Variants in WHRN observed in about 807,000 individuals in gnomAD.
The protein encoded by WHRN is whirlin.
A neutral mutation model predicts 68.3 loss-of-function variants in WHRN; 41 were observed. That is an observed-to-expected ratio of 0.60 (90% CI 0.47 to 0.78). The LOEUF is 0.78. Ranked by LOEUF, WHRN falls within the 30% of genes least tolerant of loss-of-function variation. The pLI is 0.00. For synonymous variants in WHRN, 560 were observed against 561.3 expected (o/e 1.00, Z 0.03); for missense variants, 1,243 against 1,244.7 (o/e 1.00, Z 0.02).
intron 1 of WHRN, among the ~76,000 whole-genome samples, chr9:114,482,225 T>C (rs562711983): frequency 9.2e-5 from 14 of 152,202 alleles, no homozygotes; most frequent in Non-Finnish European, 1.3e-4. Flanking sequence ...CGGCACACAG[T>C]AGGTCCTGAA....
intron 1 of WHRN, among the ~76,000 whole-genome samples, chr9:114,492,764 T>C (rs1043409851): frequency 6.6e-6 from 1 of 152,052 alleles, no homozygotes; most frequent in African/African-American, 2.4e-5. Flanking sequence ...GGTGGGTAGA[T>C]TGCTTGAGCC....
intron 2 of WHRN, among the ~76,000 whole-genome samples, chr9:114,474,412 C>T (rs1841484325): frequency 6.6e-6 from 1 of 152,104 alleles, no homozygotes; most frequent in Non-Finnish European, 1.5e-5. Flanking sequence ...CTGTTGTCTA[C>T]AGAAAAAAAG....
At chr9:114,455,101 G>A (rs1421777608) in intron 3 of WHRN, among the ~76,000 whole-genome samples, 2 of 152,196 alleles carry the variant, frequency 1.3e-5, no homozygotes, top group Admixed American at 6.5e-5. Flanking sequence ...AATACTGTTA[G>A]AGGAATATAT....
At chr9:114,441,233 C>T (rs893789158) in intron 3 of WHRN, among the ~76,000 whole-genome samples, 1 of 151,578 alleles carries the variant, frequency 6.6e-6, no homozygotes, top group Non-Finnish European at 1.5e-5. Context: ...GGTAAGGCTT[C>T]AGGTCAATAG....
intron 1 of WHRN, among the ~76,000 whole-genome samples, chr9:114,490,796 T>C (rs758169516): frequency 6.6e-6 from 1 of 152,216 alleles, no homozygotes; most frequent in Non-Finnish European, 1.5e-5. Context: ...ACCTTGGGAA[T>C]AATGCTACAA....
intron 3 of WHRN, among the ~76,000 whole-genome samples, chr9:114,442,062 TC>T (rs1292375504): frequency 6.6e-6 from 1 of 152,030 alleles, no homozygotes; most frequent in East Asian, 1.9e-4. Context: ...CCATCAGATA[TC>T]CCAAATAGAG....
At chr9:114,498,617 A>C (rs1408523) in intron 1 of WHRN, among the ~76,000 whole-genome samples, 1 of 152,110 alleles carries the variant, frequency 6.6e-6, no homozygotes, top group East Asian at 1.9e-4. Flanking sequence ...ACCGCCCCCC[A>C]ACCTTAGTAA....
At chr9:114,441,456 T>C (rs575745044) in intron 3 of WHRN, among the ~76,000 whole-genome samples, 2 of 152,316 alleles carry the variant, frequency 1.3e-5, no homozygotes, top group East Asian at 1.9e-4. Context: ...GATCTTGATA[T>C]CTAAATGCCA....
intron 11 of WHRN, 45 bp from the exon 12 acceptor site, chr9:114,402,981 A>C: frequency 6.3e-7 from 1 of 1,582,660 alleles, no homozygotes; most frequent in Non-Finnish European, 8.6e-7. Context: ...AGGGTTAGAC[A>C]GGCCTGGCTT....
At chr9:114,501,608 G>A (rs1843936274) in intron 1 of WHRN, among the ~76,000 whole-genome samples, 1 of 148,420 alleles carries the variant, frequency 6.7e-6, no homozygotes, top group Admixed American at 6.8e-5. Flanking sequence ...CGTTTGGGAA[G>A]CTCAGAGGAT....
intron 1 of WHRN, among the ~76,000 whole-genome samples, chr9:114,489,491 T>TAC (rs143212773): frequency 0.88 from 132,620 of 150,026 alleles, 58,948 homozygotes; most frequent in East Asian, 0.98. Flanking sequence ...CACACACACG[T>TAC]ACACACACAC....
At chr9:114,427,580 T>C (rs1299310956) in intron 3 of WHRN, among the ~76,000 whole-genome samples, 1 of 152,212 alleles carries the variant, frequency 6.6e-6, no homozygotes, top group African/African-American at 2.4e-5. Context: ...TGTAGGTTTA[T>C]CCAGCATTTT....
At position 114,504,481 on chromosome 9, in the gene WHRN, G is replaced by C. The variant is rs766238813; in HGVS notation, c.321C>G (p.Asp107Glu). The C allele has an allele frequency of 6.2e-7, 1 of 1,608,618 alleles. No homozygotes were observed. The highest frequency in any genetic ancestry group is 1.7e-5 in the Admixed American group (1 of 60,010). Residue 107 changes from aspartate (D) to glutamate (E), a missense_variant, in exon 1 of 12, where the codon GAC (aspartate) becomes GAG (glutamate). Transcript: ENST00000362057. ...VIPRSDQLLF[D>E]QYTAEGLYLP... ...GGTAGAGGCCCTCGGCCGTGTATTG[G>C]TCGAAGAGCAGCTGGTCGGAGCGCG...
At chr9:114,494,036 T>A (rs909476903) in intron 1 of WHRN, among the ~76,000 whole-genome samples, 3 of 152,018 alleles carry the variant, frequency 2.0e-5, no homozygotes, top group African/African-American at 7.2e-5. Context: ...CACCCCTGAC[T>A]GTGTGCCCCT....
At chr9:114,485,250 T>C (rs556460885) in intron 1 of WHRN, among the ~76,000 whole-genome samples, 15 of 152,244 alleles carry the variant, frequency 9.9e-5, no homozygotes, top group Non-Finnish European at 1.9e-4. Context: ...GAAAAAATTA[T>C]GCATGCCTGC....
At chr9:114,429,388 C>T (rs1187615288) in intron 3 of WHRN, among the ~76,000 whole-genome samples, 1 of 152,174 alleles carries the variant, frequency 6.6e-6, no homozygotes, top group Non-Finnish European at 1.5e-5. Flanking sequence ...CTATCACTTC[C>T]GTGCCACATG....
chr9:114,482,286 C>T (rs929732803), intron 1 of WHRN, among the ~76,000 whole-genome samples: 6 of 152,182 alleles, frequency 3.9e-5, no homozygotes, highest in Non-Finnish European at 8.8e-5. Context: ...CAAAAGAAAC[C>T]GTTAACATCC....
At chr9:114,423,625 C>T in intron 6 of WHRN, 102 bp from the exon 7 acceptor site, 2 of 1,154,520 alleles carry the variant, frequency 1.7e-6, no homozygotes, top group Non-Finnish European at 2.4e-6. Flanking sequence ...CTTGACCCTG[C>T]CTCCCCTCCT....
intron 3 of WHRN, among the ~76,000 whole-genome samples, chr9:114,458,717 G>A (rs1054491697): frequency 2.0e-5 from 3 of 152,098 alleles, no homozygotes; most frequent in Admixed American, 6.5e-5. Flanking sequence ...TCAGCACCTA[G>A]ATCTGTGTCT....
Sources: gnomAD v4.1 joint callset for allele counts (sites outside exome capture counted in the v4.1 genomes callset) on GRCh38, gnomAD v4.1.1 for gene constraint, MANE v1.5 for transcripts, NCBI Gene and HGNC (gene_info 2026-07-23, HGNC 2026-07-21) for gene names.